SCHIP1: variants seen among roughly 807,000 people sequenced by gnomAD.
SCHIP1 encodes the protein schwannomin-interacting protein 1.
Under a neutral mutation model 29.7 loss-of-function variants are expected in SCHIP1, and 8 were observed. The ratio of observed to expected loss-of-function variants is 0.27; its 90% CI spans 0.16 to 0.49. The LOEUF is 0.49. Ranked by LOEUF, SCHIP1 falls within the 20% of genes least tolerant of loss-of-function variation. The probability of loss-of-function intolerance (pLI) is 0.99; values close to 1 mark genes in which losing one functional copy is unlikely to be tolerated. For synonymous variants in SCHIP1, 76 were observed against 94.9 expected (o/e 0.80, Z 1.16); for missense variants, 193 against 294.6 (o/e 0.66, Z 2.52).
At chr3:159,760,662 A>C in the SCHIP1 span, among the ~76,000 whole-genome samples, 1 of 152,202 alleles carries the variant, frequency 6.6e-6, no homozygotes, top group South Asian at 2.1e-4. Context: ...GAATGAGGGA[A>C]ATTGTCCCCC....
the SCHIP1 span, among the ~76,000 whole-genome samples, chr3:159,671,784 T>C: frequency 6.6e-6 from 1 of 152,166 alleles, no homozygotes. Flanking sequence ...GGGACTTTGA[T>C]TTAAAAATCA....
the SCHIP1 span, among the ~76,000 whole-genome samples, chr3:159,285,514 AC>A: frequency 9.9e-5 from 15 of 152,240 alleles, no homozygotes; most frequent in African/African-American, 3.1e-4. Flanking sequence ...CATTTTAATA[AC>A]ATAAGAACAA....
the SCHIP1 span, among the ~76,000 whole-genome samples, chr3:159,477,920 CTTTTTT>C: frequency 1.9e-4 from 19 of 98,288 alleles, no homozygotes; most frequent in Non-Finnish European, 3.4e-4. Context: ...CATTTTAAAT[CTTTTTT>C]TTTTTTTTTT....
chr3:159,711,230 G>A, the SCHIP1 span, among the ~76,000 whole-genome samples: 19 of 80,974 alleles, frequency 2.3e-4, 3 homozygotes, highest in East Asian at 6.3e-3. Flanking sequence ...GCGTAGTGGC[G>A]GGCGCCTGTA....
the SCHIP1 span, among the ~76,000 whole-genome samples, chr3:159,420,003 A>G: frequency 0.18 from 26,817 of 152,168 alleles, 2,632 homozygotes; most frequent in South Asian, 0.37. Flanking sequence ...CTGAAAACTT[A>G]TTATTTCCAC....
At chr3:159,316,185 GAT>G in the SCHIP1 span, among the ~76,000 whole-genome samples, 1 of 150,842 alleles carries the variant, frequency 6.6e-6, no homozygotes. Context: ...GAACTAATAG[GAT>G]ATATATATAT....
At chr3:159,698,625 C>T in the SCHIP1 span, among the ~76,000 whole-genome samples, 13 of 152,056 alleles carry the variant, frequency 8.5e-5, no homozygotes, top group East Asian at 2.3e-3. Flanking sequence ...TTACTTAGTT[C>T]TTTATTTTTT....
At chr3:159,709,446 A>T in the SCHIP1 span, among the ~76,000 whole-genome samples, 1 of 152,138 alleles carries the variant, frequency 6.6e-6, no homozygotes. Flanking sequence ...TATTTAATAA[A>T]AAAAGGAAAA....
chr3:159,658,206 CAA>C, the SCHIP1 span, among the ~76,000 whole-genome samples: 1,257 of 152,270 alleles, frequency 8.3e-3, 22 homozygotes, highest in African/African-American at 0.029. Context: ...CTTCCCAATT[CAA>C]AGACAAAACA....
At chr3:159,548,136 A>AT in the SCHIP1 span, among the ~76,000 whole-genome samples, 2 of 151,966 alleles carry the variant, frequency 1.3e-5, no homozygotes, top group African/African-American at 2.4e-5. Flanking sequence ...CAGAAATTAC[A>AT]TTTTTTTGTT....
the SCHIP1 span, among the ~76,000 whole-genome samples, chr3:159,536,660 C>T: frequency 6.6e-6 from 1 of 152,126 alleles, no homozygotes; most frequent in South Asian, 2.1e-4. Flanking sequence ...AAGACTCCAT[C>T]CCTCTAGAGG....
At chr3:159,522,554 C>T in the SCHIP1 span, among the ~76,000 whole-genome samples, 1 of 152,156 alleles carries the variant, frequency 6.6e-6, no homozygotes, top group East Asian at 1.9e-4. Context: ...AATTTAGAAG[C>T]CTGTCTACTG....
chr3:159,895,275 G>A (rs1212524609), intron 6 of SCHIP1, among the ~76,000 whole-genome samples: 1 of 152,174 alleles, frequency 6.6e-6, no homozygotes, highest in Non-Finnish European at 1.5e-5. Flanking sequence ...GCTGCTGAGT[G>A]TAGCAAGGAC....
chr3:159,576,071 C>G, the SCHIP1 span, among the ~76,000 whole-genome samples: 1 of 151,842 alleles, frequency 6.6e-6, no homozygotes, highest in Non-Finnish European at 1.5e-5. Flanking sequence ...TGTTTTTTGC[C>G]ATAAAATATA....
At chr3:159,442,110 G>A in the SCHIP1 span, among the ~76,000 whole-genome samples, 5 of 152,172 alleles carry the variant, frequency 3.3e-5, no homozygotes, top group Admixed American at 3.3e-4. Flanking sequence ...GAAAATGGGA[G>A]AACTGGCAAA....
chr3:159,758,175 C>T, the SCHIP1 span, among the ~76,000 whole-genome samples: 2 of 151,558 alleles, frequency 1.3e-5, no homozygotes, highest in Non-Finnish European at 2.9e-5. Context: ...TTTTCCAAGA[C>T]AGAGTCTTGC....
At chr3:159,735,874 C>T in the SCHIP1 span, among the ~76,000 whole-genome samples, 1 of 152,142 alleles carries the variant, frequency 6.6e-6, no homozygotes, top group Non-Finnish European at 1.5e-5. Context: ...TGTTGAGAGT[C>T]CACACTTGTC....
At chr3:159,549,650 C>T in the SCHIP1 span, among the ~76,000 whole-genome samples, 1 of 152,144 alleles carries the variant, frequency 6.6e-6, no homozygotes, top group East Asian at 1.9e-4. Flanking sequence ...CTTCCAGTCT[C>T]CAGAACTGTG....
the SCHIP1 span, among the ~76,000 whole-genome samples, chr3:159,420,616 G>GATTGTTCAGAACCAGAAGAGGTCTC: frequency 6.6e-6 from 1 of 152,176 alleles, no homozygotes; most frequent in Admixed American, 6.5e-5. Context: ...GATTTGATCT[G>GATTGTTCAGAACCAGAAGAGGTCTC]ATTGTTCAGA....
Sources: gnomAD v4.1 joint callset for allele counts (sites outside exome capture counted in the v4.1 genomes callset) on GRCh38, gnomAD v4.1.1 for gene constraint, MANE v1.5 for transcripts, NCBI Gene and HGNC (gene_info 2026-07-23, HGNC 2026-07-21) for gene names.